The following DMD variants were observed in gnomAD, a reference collection of about 807,000 sequenced individuals.
DMD encodes the protein mutant dystrophin.
DMD carries 63 observed loss-of-function variants against 330.1 expected under a neutral mutation model. The ratio of observed to expected loss-of-function variants is 0.19; its 90% CI spans 0.16 to 0.24. The LOEUF is 0.24. Among genes scored for constraint, DMD ranks in the 10% least tolerant of loss-of-function variants. The pLI, the probability that DMD is intolerant of heterozygous loss-of-function variation, is 1.00. For synonymous variants in DMD, 1,223 were observed against 959.8 expected, an observed-to-expected ratio of 1.27 and a Z score of -5.07; for missense variants, 3,344 against 2,684.1, an observed-to-expected ratio of 1.25 and a Z score of -5.43.
At chrX:32,407,136 A>C (rs1003948638) in intron 30 of DMD, among the ~76,000 whole-genome samples, 3 of 111,709 alleles carry the variant, frequency 2.7e-5, no homozygotes, top group African/African-American at 6.5e-5. Context: ...GGATCTAATT[A>C]AACTAAAGAG....
intron 53 of DMD, among the ~76,000 whole-genome samples, chrX:31,674,201 T>C (rs149229541): frequency 0.012 from 1,296 of 112,124 alleles, 12 homozygotes; most frequent in Middle Eastern, 0.018. Context: ...GGATGAGATA[T>C]ATGATGCCAT....
intron 7 of DMD, among the ~76,000 whole-genome samples, chrX:32,725,113 A>G (rs1225875421): frequency 9.0e-6 from 1 of 111,481 alleles, no homozygotes; most frequent in Non-Finnish European, 1.9e-5. Flanking sequence ...TTTAGAATCT[A>G]GACATTGTTT....
intron 44 of DMD, among the ~76,000 whole-genome samples, chrX:32,150,131 CA>C (rs1460461057): frequency 6.2e-5 from 7 of 112,205 alleles, no homozygotes; most frequent in African/African-American, 2.3e-4. Context: ...AAAAGCACAG[CA>C]GGGAAAATGT....
chrX:32,431,257 C>T (rs1275753554), intron 29 of DMD, among the ~76,000 whole-genome samples: 2 of 111,032 alleles, frequency 1.8e-5, no homozygotes, highest in African/African-American at 3.3e-5. Flanking sequence ...TAAGTAACTG[C>T]CATTCTAACA....
chrX:32,636,525 T>C (rs2059107182), intron 11 of DMD, among the ~76,000 whole-genome samples: 1 of 112,361 alleles, frequency 8.9e-6, no homozygotes, highest in Non-Finnish European at 1.9e-5. Flanking sequence ...GTGTCATTGT[T>C]TTCAAATCCT....
chrX:31,860,926 T>C (rs1181585416), intron 48 of DMD, among the ~76,000 whole-genome samples: 4 of 112,333 alleles, frequency 3.6e-5, no homozygotes, highest in Non-Finnish European at 5.6e-5. Context: ...TGTCCAGGAT[T>C]GATGGCTAAG....
At chrX:31,946,696 A>G (rs1290583787) in intron 45 of DMD, among the ~76,000 whole-genome samples, 2 of 111,379 alleles carry the variant, frequency 1.8e-5, no homozygotes, top group African/African-American at 6.5e-5. Context: ...GTGTAAACTA[A>G]AATATGTGTT....
At chrX:32,632,825 T>C (rs1332303626) in intron 11 of DMD, among the ~76,000 whole-genome samples, 2 of 112,478 alleles carry the variant, frequency 1.8e-5, no homozygotes, top group African/African-American at 6.4e-5. Flanking sequence ...TCTGTCCTCT[T>C]AGGCCTCCGG....
At chrX:31,332,663 T>G (rs1274392309) in intron 61 of DMD, among the ~76,000 whole-genome samples, 1 of 111,519 alleles carries the variant, frequency 9.0e-6, no homozygotes, top group Non-Finnish European at 1.9e-5. Flanking sequence ...AGTATGAACT[T>G]GAATATGTTA....
intron 21 of DMD, among the ~76,000 whole-genome samples, chrX:32,483,915 G>A (rs746530027): frequency 5.5e-4 from 59 of 106,902 alleles, no homozygotes; most frequent in African/African-American, 1.8e-3. Flanking sequence ...TGAGAAAAGC[G>A]TTGTGTATCA....
At chrX:32,662,664 C>T (rs1373679823) in intron 9 of DMD, among the ~76,000 whole-genome samples, 1 of 111,598 alleles carries the variant, frequency 9.0e-6, no homozygotes, top group Non-Finnish European at 1.9e-5. Flanking sequence ...AGTAGTTTAT[C>T]AGAGTACAGA....
At chrX:33,087,675 A>C (rs1389265197) in intron 1 of DMD, among the ~76,000 whole-genome samples, 2 of 111,998 alleles carry the variant, frequency 1.8e-5, no homozygotes, top group Non-Finnish European at 3.8e-5. Context: ...ACAGCCTCCC[A>C]GTAAAATAAA....
At position 32,939,652 on chromosome X, in the gene DMD, A is replaced by G. The variant is rs147589358; in HGVS notation, c.93+80487T>C. Among the ~76,000 whole-genome samples the G allele has an allele frequency of 7.2e-5, 8 of 111,144 alleles. No homozygotes were observed. The East Asian group carries it at 2.2e-3, about 31-fold the overall frequency. On this transcript the variant is annotated intron_variant, in intron 2 of 78. Transcript: ENST00000357033. ...TTGTGTAATTTCTATGACTCTCCAT[A>G]TAAGTTAAATATTCTCATATATCCA...
chrX:32,856,026 G>C (rs191917337), intron 2 of DMD, among the ~76,000 whole-genome samples: 5 of 112,103 alleles, frequency 4.5e-5, no homozygotes, highest in Non-Finnish European at 3.8e-5. Flanking sequence ...GATTTCTCAA[G>C]AGATGACACA....
At chrX:32,054,870 AAGGGGAGGGG>A (rs1198811161) in intron 44 of DMD, among the ~76,000 whole-genome samples, 2 of 52,523 alleles carry the variant, frequency 3.8e-5, no homozygotes, top group Admixed American at 3.2e-4. Flanking sequence ...GAGGGAAGGG[AAGGGGAGGGG>A]AGGGGAGGGG....
At chrX:32,777,151 G>A (rs2074235540) in intron 7 of DMD, among the ~76,000 whole-genome samples, 1 of 105,810 alleles carries the variant, frequency 9.5e-6, no homozygotes, top group Admixed American at 1.0e-4. Context: ...AACGAGCACT[G>A]ATAAGATTAG....
intron 60 of DMD, among the ~76,000 whole-genome samples, chrX:31,422,034 TATATA>T (rs1569540528): frequency 0.01 from 102 of 9,950 alleles, 1 homozygote; most frequent in African/African-American, 0.012. Context: ...CACACATATA[TATATA>T]TATATTTTTT....
chrX:32,939,111 G>C (rs916187461), intron 2 of DMD, among the ~76,000 whole-genome samples: 2 of 108,858 alleles, frequency 1.8e-5, no homozygotes, highest in Non-Finnish European at 3.8e-5. Context: ...TCATATATCT[G>C]AGTTGGGAAA....
At chrX:32,833,155 G>A (rs1343198362) in intron 4 of DMD, among the ~76,000 whole-genome samples, 6 of 111,401 alleles carry the variant, frequency 5.4e-5, no homozygotes, top group Non-Finnish European at 1.1e-4. Flanking sequence ...TTATGGACAA[G>A]TGAAATGTTA....
Sources: allele counts gnomAD v4.1 joint callset (sites outside exome capture counted in the v4.1 genomes callset), GRCh38; gene constraint gnomAD v4.1.1; transcripts MANE v1.5; gene names NCBI Gene and HGNC (gene_info 2026-07-23, HGNC 2026-07-21).